CHD6: variants seen among roughly 807,000 people sequenced by gnomAD.
The protein encoded by CHD6 is chromodomain helicase DNA binding protein 6, also known as ATP-dependent chromatin remodeler CHD6.
A neutral mutation model predicts 276.9 loss-of-function variants in CHD6; 50 were observed. The ratio of observed to expected loss-of-function variants is 0.18; its 90% CI spans 0.14 to 0.23. CHD6 has a LOEUF of 0.23. CHD6 is among the 10% of genes least tolerant of loss of function. The probability of loss-of-function intolerance (pLI) is 1.00; values close to 1 mark genes in which losing one functional copy is unlikely to be tolerated. For synonymous variants in CHD6, 1,173 were observed against 1,229.3 expected, an observed-to-expected ratio of 0.95 and a Z score of 0.96; for missense variants, 2,564 against 3,365.8, an observed-to-expected ratio of 0.76 and a Z score of 5.89.
intron 27 of CHD6, among the ~76,000 whole-genome samples, chr20:41,433,925 G>A (rs2047622564): frequency 6.6e-6 from 1 of 152,050 alleles, no homozygotes; most frequent in South Asian, 2.1e-4. Context: ...GAAACACCTA[G>A]AAGCATTAAA....
chr20:41,578,139 C>G (rs2045494155), intron 1 of CHD6, among the ~76,000 whole-genome samples: 2 of 152,124 alleles, frequency 1.3e-5, no homozygotes, highest in African/African-American at 4.8e-5. Context: ...ATTTTATTTT[C>G]CTTTATTGAA....
intron 2 of CHD6, among the ~76,000 whole-genome samples, chr20:41,544,307 TA>T (rs2044999735): frequency 6.6e-6 from 1 of 152,182 alleles, no homozygotes; most frequent in Admixed American, 6.5e-5. Context: ...TTATGCGAGC[TA>T]AAAATGTCAC....
intron 3 of CHD6, among the ~76,000 whole-genome samples, chr20:41,521,769 G>A (rs887131534): frequency 6.6e-6 from 1 of 152,164 alleles, no homozygotes; most frequent in Non-Finnish European, 1.5e-5. Context: ...CAGACGATGA[G>A]CCCGAAACAT....
At chr20:41,508,188 T>C (rs2044023784) in intron 5 of CHD6, among the ~76,000 whole-genome samples, 1 of 151,854 alleles carries the variant, frequency 6.6e-6, no homozygotes. Context: ...TAAGATGAAA[T>C]GAGAGATGAA....
intron 1 of CHD6, among the ~76,000 whole-genome samples, chr20:41,592,164 A>T (rs868452280): frequency 3.9e-5 from 6 of 152,332 alleles, no homozygotes; most frequent in Non-Finnish European, 5.9e-5. Flanking sequence ...GGTTCCCAAT[A>T]TCCAAAGCTT....
intron 27 of CHD6, among the ~76,000 whole-genome samples, chr20:41,432,684 A>G (rs2047582655): frequency 6.6e-6 from 1 of 152,186 alleles, no homozygotes; most frequent in Non-Finnish European, 1.5e-5. Context: ...CAAAATGTCC[A>G]GGTTCCAATA....
At chr20:41,601,375 T>G (rs1312661052) in intron 1 of CHD6, among the ~76,000 whole-genome samples, 1 of 152,024 alleles carries the variant, frequency 6.6e-6, no homozygotes, top group Non-Finnish European at 1.5e-5. Flanking sequence ...AACTCTAGAG[T>G]CCCAAAATAA....
In CHD6 at chr20:41,422,034, C is replaced by A. The variant is rs749421049; in HGVS notation, c.4601G>T (p.Arg1534Leu). The change falls in exon 31 of 37, where the codon CGT becomes CTT. Residue 1534 changes from arginine to leucine, a missense_variant. By Grantham distance (102) the Arg-to-Leu change is moderately radical. Coordinates refer to ENST00000373233, the MANE Select transcript of CHD6 (RefSeq NM_032221.5). The part of the protein sequence containing the change: ...TIYVEPITEE[R>L]AARTLYRIEL... ...AATGCGGTACAGAGTTCTTGCAGCA[C>A]GTTCCTCAGTGATGGGTTCAACGTA... 6.2e-7 allele frequency: 1 copy of A among 1,613,944 alleles called. No individual in the cohort carries two copies.
At chr20:41,591,381 C>CACACAG (rs2045657715) in intron 1 of CHD6, among the ~76,000 whole-genome samples, 4 of 57,726 alleles carry the variant, frequency 6.9e-5, no homozygotes, top group African/African-American at 6.3e-4. Flanking sequence ...TATATATATA[C>CACACAG]ACACACACAC....
At chr20:41,597,783 G>A (rs972456519) in intron 1 of CHD6, among the ~76,000 whole-genome samples, 5 of 151,164 alleles carry the variant, frequency 3.3e-5, no homozygotes, top group Admixed American at 6.6e-5. Flanking sequence ...TAATATAAAC[G>A]CATCAGAGTC....
chr20:41,454,144 ATCCGAAGGCATACTCTGGTTTCAC>A (rs1363166479), intron 20 of CHD6, among the ~76,000 whole-genome samples: 2 of 152,192 alleles, frequency 1.3e-5, no homozygotes, highest in African/African-American at 4.8e-5. Context: ...CAAAAGCTTC[ATCCGAAGGCATACTCTGGTTTCAC>A]TCTCAAGTCC....
intron 1 of CHD6, among the ~76,000 whole-genome samples, chr20:41,612,925 A>G (rs962425362): frequency 5.3e-5 from 8 of 152,214 alleles, no homozygotes; most frequent in African/African-American, 1.9e-4. Context: ...AAAAATCTCC[A>G]GAATAACTTT....
At chr20:41,519,639 T>C (rs1480157742) in intron 3 of CHD6, among the ~76,000 whole-genome samples, 1 of 152,208 alleles carries the variant, frequency 6.6e-6, no homozygotes, top group African/African-American at 2.4e-5. Flanking sequence ...AAGCTGAAAC[T>C]GGATCCCTTC....
At chr20:41,584,239 C>A (rs1035183305) in intron 1 of CHD6, among the ~76,000 whole-genome samples, 2 of 151,998 alleles carry the variant, frequency 1.3e-5, no homozygotes, top group Admixed American at 1.3e-4. Context: ...ATATTGAAAG[C>A]AATAGAGAGA....
intron 1 of CHD6, among the ~76,000 whole-genome samples, chr20:41,587,454 G>C (rs944298063): frequency 2.6e-5 from 4 of 152,318 alleles, no homozygotes; most frequent in Middle Eastern, 3.4e-3. Context: ...CCTTTCAGAT[G>C]AATCAGCTTT....
intron 3 of CHD6, among the ~76,000 whole-genome samples, chr20:41,517,153 A>C (rs919965321): frequency 1.3e-5 from 2 of 152,124 alleles, no homozygotes; most frequent in Non-Finnish European, 2.9e-5. Context: ...TTCATGATGA[A>C]AGCTATTTGC....
At chr20:41,589,346 T>C (rs1229727608) in intron 1 of CHD6, among the ~76,000 whole-genome samples, 1 of 152,046 alleles carries the variant, frequency 6.6e-6, no homozygotes, top group Non-Finnish European at 1.5e-5. Flanking sequence ...CTATTCAACA[T>C]AGTGTTGGAA....
chr20:41,420,967 C>A lies in CHD6; in HGVS notation c.5668G>T (p.Val1890Leu). The A allele has an allele frequency of 6.2e-7, 1 of 1,614,170 alleles. No homozygotes were observed. Among genetic ancestry groups the A allele is most frequent in the Non-Finnish European group, 8.5e-7 (1 of 1,180,032 alleles). ...MAVGMGERPE[V>L]LHLTEPTTNI... Reference sequence around the variant, plus strand: ...GTAGTGGGCTCCGTGAGATGCAATACCTCTGGCCTTTCCCCCATGCCTACT... The same window carrying A: ...GTAGTGGGCTCCGTGAGATGCAATAACTCTGGCCTTTCCCCCATGCCTACT... Residue 1890 changes from valine (V) to leucine (L), a missense_variant, in exon 31 of 37, where the codon GTA becomes TTA. Physicochemically the swap from Val to Leu is conservative, Grantham distance 32. Around this residue, in one of 7 missense-constraint regions of CHD6, gnomAD observed 1,024 missense variants for 1,047.9 expected, o/e 0.98. Coordinates refer to ENST00000373233, the MANE Select transcript of CHD6 (RefSeq NM_032221.5).
At chr20:41,417,382 T>TA (rs1453226538) in intron 31 of CHD6, 33 bp from the exon 32 acceptor site, 1 of 1,595,268 alleles carries the variant, frequency 6.3e-7, no homozygotes, top group South Asian at 1.1e-5. Flanking sequence ...ATCAGGCACT[T>TA]AACTATAGTA....
Sources: gnomAD v4.1 joint callset for allele counts (sites outside exome capture counted in the v4.1 genomes callset) on GRCh38, gnomAD v4.1.1 for gene constraint, gnomAD v4.1.1 regional missense constraint, MANE v1.5 for transcripts, NCBI Gene and HGNC (gene_info 2026-07-23, HGNC 2026-07-21) for gene names.